The following MYC variants were observed in gnomAD, a reference collection of about 807,000 sequenced individuals.
The protein encoded by MYC is MYC proto-oncogene, bHLH transcription factor.
In MYC, 1 loss-of-function variant was observed where a neutral mutation model predicts 30.5. That is an observed-to-expected ratio of 0.03 (90% confidence interval 0.01 to 0.16). The LOEUF is 0.16. Ranked by LOEUF, MYC falls within the 10% of genes least tolerant of loss-of-function variation. The probability of loss-of-function intolerance (pLI) is 1.00; values close to 1 mark genes in which losing one functional copy is unlikely to be tolerated. For synonymous variants in MYC, 267 were observed against 250.7 expected (o/e 1.07, Z -0.62); for missense variants, 508 against 589.0 (o/e 0.86, Z 1.42).
chr8:127,740,954 C>G lies in MYC; in HGVS notation c.1361C>G (p.Ala454Gly). Residue 454 changes from alanine (A) to glycine (G), a missense_variant, in exon 3 of 3, where the codon GCG (alanine) becomes GGG (glycine). Coordinates refer to ENST00000621592, the MANE Select transcript of MYC (RefSeq NM_002467.6). ...CTTGAACAGCTACGGAACTCTTGTG[C>G]GTAAGGAAAAGTAAGGAAAACGATT... The G allele has an allele frequency of 1.3e-6, 2 of 1,552,434 alleles. No homozygotes were observed. Among genetic ancestry groups the G allele is most frequent in the South Asian group, 2.5e-5 (2 of 80,914 alleles).
At chr8:127,740,356 A>T in intron 2 of MYC, 40 bp from the exon 3 acceptor site, 1 of 1,570,752 alleles carries the variant, frequency 6.4e-7, no homozygotes, top group Non-Finnish European at 8.7e-7. Flanking sequence ...ATTTTAATGT[A>T]ACCTTGCTAA....
chr8:127,740,891 A>G lies in MYC; in HGVS notation c.1298A>G (p.Asp433Gly), dbSNP rs553965730. The G allele has an allele frequency of 6.2e-7, 1 of 1,607,652 alleles. No individual in the cohort carries two copies. Among genetic ancestry groups the G allele is most frequent in the Non-Finnish European group, 8.5e-7 (1 of 1,178,146 alleles). ...GAGCAAAAGCTCATTTCTGAAGAGG[A>G]CTTGTTGCGGAAACGACGAGAACAG... The change falls in exon 3 of 3, where the codon GAC becomes GGC. Residue 433 changes from aspartate (D) to glycine (G), a missense_variant. Physicochemically the swap from Asp to Gly is moderately conservative, Grantham distance 94. Around this residue, in one of 5 missense-constraint regions of MYC, gnomAD observed 31 missense variants for 28.3 expected, o/e 1.09. Transcript: ENST00000621592.
chr8:127,736,158 A>G, upstream of MYC: 1 of 457,872 alleles, frequency 2.2e-6, no homozygotes, highest in Non-Finnish European at 3.8e-6. Context: ...AGGGCTTCTC[A>G]GAGGCTTGGC....
Position 127,736,615 on chromosome 8 carries a change from G to A in MYC, c.22G>A (p.Glu8Lys). The A allele has an allele frequency of 6.2e-7, 1 of 1,614,192 alleles. No individual in the cohort carries two copies. The highest frequency in any genetic ancestry group is 8.5e-7 in the Non-Finnish European group (1 of 1,180,036). Residue 8 changes from glutamate (E) to lysine (K), a missense_variant, in exon 1 of 3, where the codon GAA becomes AAA. This residue lies in a region of MYC where 70 missense variants were observed against 84.5 expected (regional missense o/e 0.83). Coordinates refer to ENST00000621592, the MANE Select transcript of MYC (RefSeq NM_002467.6). Reference sequence around the variant, plus strand: ...GACGCTGGATTTTTTTCGGGTAGTGGAAAACCAGGTAAGCACCGAAGTCCA... The same window carrying A: ...GACGCTGGATTTTTTTCGGGTAGTGAAAAACCAGGTAAGCACCGAAGTCCA...
At position 127,741,189 on chromosome 8, in the gene MYC, TA is replaced by T; in HGVS notation, c.*237del. On this transcript the variant is annotated 3_prime_UTR_variant, in exon 3 of 3. Transcript: ENST00000621592. ...CAGATTTGTATTTAAGAATTGTTTT[TA>T]AAAAATTTTAAGATTTACACAATGT... The T allele has an allele frequency of 2.6e-6, 1 of 391,630 alleles. No homozygotes were observed. Among genetic ancestry groups the T allele is most frequent in the South Asian group, 8.9e-5 (1 of 11,222 alleles). 24.3% of individuals were successfully genotyped at this position (391,630 alleles called of 1,614,324 possible).
rs2130096884 is a variant in MYC at position 127,738,837 on chromosome 8, C to G, written c.620C>G (p.Ser207Trp). ...GCCGCCTCAGAGTGCATCGACCCCTCGGTGGTCTTCCCCTACCCTCTCAAC... is the reference window on the plus strand; with the variant it reads ...GCCGCCTCAGAGTGCATCGACCCCTGGGTGGTCTTCCCCTACCCTCTCAAC... Residue 207 changes from serine to tryptophan, a missense_variant, in exon 2 of 3, where the codon TCG becomes TGG. Around this residue, in one of 5 missense-constraint regions of MYC, gnomAD observed 364 missense variants for 381.1 expected, o/e 0.96. Coordinates refer to ENST00000621592, the MANE Select transcript of MYC (RefSeq NM_002467.6). The surrounding 1 kb of genome is among the most constrained non-coding windows in gnomAD (Gnocchi z 7.6). 6.2e-7 allele frequency: 1 copy of G among 1,611,936 alleles called. No homozygotes were observed. The highest frequency in any genetic ancestry group is 8.5e-7 in the Non-Finnish European group (1 of 1,179,456).
Position 127,740,844 on chromosome 8 carries a change from C to T in MYC, c.1251C>T (p.Tyr417=), listed in dbSNP as rs2130107443. 6.2e-7 allele frequency: 1 copy of T among 1,614,052 alleles called. No individual in the cohort carries two copies. Residue 417 remains tyrosine, a synonymous_variant, in exon 3 of 3, where the codon TAC becomes TAT. Transcript: ENST00000621592. ...TTATCCTTAAAAAAGCCACAGCATA[C>T]ATCCTGTCCGTCCAAGCAGAGGAGC...
chr8:127,740,384 CCTTT>C lies in MYC; in HGVS notation c.803-8_803-5del. The C allele has an allele frequency of 1.9e-6, 3 of 1,609,306 alleles. No homozygotes were observed. Among genetic ancestry groups the C allele is most frequent in the South Asian group, 2.2e-5 (2 of 90,736 alleles). ...CTTGCTAAAGGAGTGATTTCTATTT[CCTTT>C]CTTAAAGAGGAGGAACAAGAAGATG... On this transcript the variant is annotated splice_polypyrimidine_tract_variant and splice_region_variant and intron_variant, in intron 2 of 2. Coordinates refer to ENST00000621592, the MANE Select transcript of MYC (RefSeq NM_002467.6).
chr8:127,740,287 G>T, intron 2 of MYC, 109 bp from the exon 3 acceptor site: 2 of 1,178,336 alleles, frequency 1.7e-6, no homozygotes, highest in Admixed American at 5.0e-5. Context: ...ATTTTGTCCA[G>T]AGACCTTTCT....
intron 1 of MYC, among the ~76,000 whole-genome samples, chr8:127,737,479 G>T (rs1813613411): frequency 6.6e-6 from 1 of 152,138 alleles, no homozygotes; most frequent in Admixed American, 6.5e-5. Flanking sequence ...CCCTTGGTGG[G>T]GTGGCTCCGG....
In MYC at chr8:127,740,763, T is replaced by G; in HGVS notation, c.1170T>G (p.Phe390Leu). ...GGAACGAGCTAAAACGGAGCTTTTT[T>G]GCCCTGCGTGACCAGATCCCGGAGT... Residue 390 changes from phenylalanine (F) to leucine (L), a missense_variant, in exon 3 of 3, where the codon TTT (phenylalanine) becomes TTG (leucine). Phe to Leu is a conservative substitution (Grantham distance 22). Coordinates refer to ENST00000621592, the MANE Select transcript of MYC (RefSeq NM_002467.6). The G allele has an allele frequency of 6.2e-7, 1 of 1,614,076 alleles. No homozygotes were observed.
chr8:127,736,655 T>A (rs760109975), intron 1 of MYC, 32 bp downstream of exon 1: 32 of 1,610,354 alleles, frequency 2.0e-5, no homozygotes, highest in Non-Finnish European at 2.2e-5. Context: ...CCTTTTAATT[T>A]ATTTTTTTAT....
upstream of MYC, chr8:127,736,220 G>C: frequency 2.0e-6 from 1 of 498,760 alleles, no homozygotes; most frequent in Non-Finnish European, 3.5e-6. Flanking sequence ...CCGGTTTTCG[G>C]GGCTTTATCT....
In MYC at chr8:127,738,625, C is replaced by T. The variant is rs1284270835; in HGVS notation, c.408C>T (p.Asp136=). 6.2e-7 allele frequency: 1 copy of T among 1,612,784 alleles called. No individual in the cohort carries two copies. The stretch of plus-strand genomic sequence containing the variant: ...AGAGTTTCATCTGCGACCCGGACGA[C>T]GAGACCTTCATCAAAAACATCATCA... The change falls in exon 2 of 3, where the codon GAC becomes GAT. Residue 136 remains aspartate (D), a synonymous_variant. Coordinates refer to ENST00000621592, the MANE Select transcript of MYC (RefSeq NM_002467.6). The surrounding 1 kb of genome is among the most constrained non-coding windows in gnomAD (Gnocchi z 7.6).
rs1179847000 is a variant in MYC, at chr8:127,740,537, G to C, written c.944G>C (p.Cys315Ser). The C allele has an allele frequency of 1.2e-6, 2 of 1,614,076 alleles. No homozygotes were observed. Among genetic ancestry groups the C allele is most frequent in the Non-Finnish European group, 1.7e-6 (2 of 1,180,008 alleles). ...CACAGCCCACTGGTCCTCAAGAGGT[G>C]CCACGTCTCCACACATCAGCACAAC... Residue 315 changes from cysteine (C) to serine (S), a missense_variant, in exon 3 of 3, where the codon TGC becomes TCC. Cys to Ser is a moderately radical substitution (Grantham distance 112). This residue lies in a region of MYC where 364 missense variants were observed against 381.1 expected (regional missense o/e 0.96). Transcript: ENST00000621592.
upstream of MYC, chr8:127,736,069 G>A: frequency 2.5e-6 from 1 of 406,698 alleles, no homozygotes. Flanking sequence ...GACGGCTGAG[G>A]ACCCCCGAGC....
intron 1 of MYC, among the ~76,000 whole-genome samples, chr8:127,737,408 C>A (rs1312624921): frequency 3.9e-5 from 6 of 152,096 alleles, no homozygotes; most frequent in Admixed American, 3.3e-4. Flanking sequence ...GGTGTCCTCG[C>A]GCCCGAGATG....
At chr8:127,739,065 C>T (rs761108336) in intron 2 of MYC, 46 bp downstream of exon 2, 8 of 1,436,162 alleles carry the variant, frequency 5.6e-6, no homozygotes, top group Non-Finnish European at 7.3e-6. Context: ...CGGCTGGATA[C>T]CTTTCCCATT....
Position 127,736,440 on chromosome 8 carries a change from G to C in MYC, c.-154G>C. 1 of 766,266 alleles carries C rather than the reference G, an allele frequency of 1.3e-6. No homozygotes were observed. Among genetic ancestry groups the C allele is most frequent in the Non-Finnish European group, 2.1e-6 (1 of 472,146 alleles). 47.5% of individuals were successfully genotyped at this position (766,266 alleles called of 1,614,324 possible). On this transcript the variant is annotated 5_prime_UTR_variant, in exon 1 of 3. Coordinates refer to ENST00000621592, the MANE Select transcript of MYC (RefSeq NM_002467.6). ...CCGCATCCACGAAACTTTGCCCATA[G>C]CAGCGGGCGGGCACTTTGCACTGGA...
Sources: allele counts gnomAD v4.1 joint callset (sites outside exome capture counted in the v4.1 genomes callset), GRCh38; gene constraint gnomAD v4.1.1; regional missense constraint gnomAD v4.1.1; non-coding constraint Gnocchi (gnomAD v3.1); transcripts MANE v1.5; gene names NCBI Gene and HGNC (gene_info 2026-07-23, HGNC 2026-07-21).